Variants in PEX14 observed in about 807,000 individuals in gnomAD.
PEX14 encodes the protein peroxisomal biogenesis factor 14.
In PEX14, 15 loss-of-function variants were observed where a neutral mutation model predicts 49.5. The observed-to-expected ratio is 0.30, with a 90% CI of 0.20 to 0.47. The LOEUF (loss-of-function observed/expected upper bound fraction) is 0.47, where lower values mean the gene tolerates loss of function less well. PEX14 is among the 20% of genes least tolerant of loss of function. The pLI is 1.00. For missense variants in PEX14, 398 were observed against 494.8 expected, an observed-to-expected ratio of 0.80 and a Z score of 1.86; for synonymous variants, 210 against 212.7, an observed-to-expected ratio of 0.99 and a Z score of 0.11.
At chr1:10,516,411 A>G (rs1304710940) in intron 2 of PEX14, among the ~76,000 whole-genome samples, 1 of 152,208 alleles carries the variant, frequency 6.6e-6, no homozygotes, top group East Asian at 1.9e-4. Flanking sequence ...GGGACCCACT[A>G]GGTTTGCCGT....
At chr1:10,553,750 C>G (rs1190111954) in intron 3 of PEX14, among the ~76,000 whole-genome samples, 3 of 152,142 alleles carry the variant, frequency 2.0e-5, no homozygotes, top group South Asian at 2.1e-4. Flanking sequence ...CTCTTCACTC[C>G]TTTGTCATCT....
Position 10,495,016 on chromosome 1 carries a change from A to C in PEX14, c.37-258A>C, listed in dbSNP as rs1281164551. On this transcript the variant is annotated intron_variant, in intron 1 of 8. Transcript: ENST00000356607. The surrounding 1 kb of genome is among the most constrained non-coding windows in gnomAD (Gnocchi z 4.2). ...CAGTAGGTGATCGTGGGCCTTCCTG[A>C]GCAGAACCAAGCCTTGTTCTTGGAG... is the stretch of plus-strand genomic sequence containing the variant. 1 of 747,572 alleles carries C rather than the reference A, an allele frequency of 1.3e-6. No homozygotes were observed. The highest frequency in any genetic ancestry group is 1.9e-5 in the African/African-American group (1 of 52,520). 46.3% of individuals were successfully genotyped at this position (747,572 alleles called of 1,614,324 possible).
chr1:10,573,732 A>G lies in PEX14; in HGVS notation c.170-25506A>G, dbSNP rs189384231. Reference sequence around the variant, plus strand: ...TTTATGACCTAGCAATTCCATTATTAGACATAAACCCAAGAGAAATGGGTG... The same window carrying G: ...TTTATGACCTAGCAATTCCATTATTGGACATAAACCCAAGAGAAATGGGTG... On this transcript the variant is annotated intron_variant, in intron 3 of 8. Transcript: ENST00000356607. Among the ~76,000 whole-genome samples the G allele has an allele frequency of 4.6e-5, 7 of 152,336 alleles. No individual in the cohort carries two copies. In the East Asian group the frequency reaches 1.2e-3, roughly 25 times the overall value.
chr1:10,608,574 A>G (rs1319618501), intron 4 of PEX14, among the ~76,000 whole-genome samples: 1 of 151,754 alleles, frequency 6.6e-6, no homozygotes, highest in African/African-American at 2.4e-5. Context: ...AGGCAGGAGA[A>G]TGGCTTGAAC....
At chr1:10,537,618 T>G (rs1359709117) in intron 3 of PEX14, among the ~76,000 whole-genome samples, 1 of 152,084 alleles carries the variant, frequency 6.6e-6, no homozygotes, top group Non-Finnish European at 1.5e-5. Flanking sequence ...TTGTGCAATA[T>G]TATAACTGCC....
Position 10,495,898 on chromosome 1 carries a change from T to A in PEX14, c.84+577T>A, listed in dbSNP as rs1389426400. ...CAGGCTGCCCACCCCATTTTCATTC[T>A]TTTTTGCTTTTCAGGGCCTGCTGTA... On this transcript the variant is annotated intron_variant, in intron 2 of 8. Coordinates refer to ENST00000356607, the MANE Select transcript of PEX14 (RefSeq NM_004565.3). This position sits in a 1 kb window ranked among gnomAD's most constrained non-coding sequence, Gnocchi z 4.2. 6.6e-6 allele frequency among the ~76,000 whole-genome samples: 1 copy of A among 152,188 alleles called. No homozygotes were observed. Among genetic ancestry groups the A allele is most frequent in the Non-Finnish European group, 1.5e-5 (1 of 68,030 alleles).
At chr1:10,496,202 C>G (rs1212108548) in intron 2 of PEX14, among the ~76,000 whole-genome samples, 2 of 152,096 alleles carry the variant, frequency 1.3e-5, no homozygotes, top group Admixed American at 6.6e-5. Context: ...AGGCTGAGGG[C>G]GAGTTGGATC....
chr1:10,622,098 C>G (rs995384743), intron 5 of PEX14, among the ~76,000 whole-genome samples: 8 of 152,126 alleles, frequency 5.3e-5, no homozygotes, highest in South Asian at 2.1e-4. Context: ...GCAGCTGTCC[C>G]TGCAGGCCCC....
In PEX14 at chr1:10,627,365, TAGG is replaced by T. The variant is rs1425419817; in HGVS notation, c.677+6_677+8del. ...CTTGAAAGGGCTTCTTTTAAATCGGTAGGAGGGAGGAATGGGGACCCTGTTCTG... is the reference window on the plus strand; with the variant it reads ...CTTGAAAGGGCTTCTTTTAAATCGGTAGGGAGGAATGGGGACCCTGTTCTG... On this transcript the variant is annotated splice_donor_5th_base_variant and intron_variant, in intron 8 of 8. Transcript: ENST00000356607. The T allele has an allele frequency of 6.3e-7, 1 of 1,595,914 alleles. No individual in the cohort carries two copies. The highest frequency in any genetic ancestry group is 1.3e-5 in the African/African-American group (1 of 74,620).
intron 3 of PEX14, among the ~76,000 whole-genome samples, chr1:10,545,629 G>A (rs1029361476): frequency 6.6e-6 from 1 of 152,174 alleles, no homozygotes; most frequent in African/African-American, 2.4e-5. Context: ...TTGAATCCTA[G>A]CTTCACCACT....
intron 4 of PEX14, among the ~76,000 whole-genome samples, chr1:10,612,769 T>A (rs1278225165): frequency 2.0e-5 from 3 of 152,236 alleles, no homozygotes; most frequent in Non-Finnish European, 2.9e-5. Flanking sequence ...GTGGGCTGGC[T>A]TTATTCCAGG....
At chr1:10,580,642 A>G (rs748219294) in intron 3 of PEX14, among the ~76,000 whole-genome samples, 1 of 152,160 alleles carries the variant, frequency 6.6e-6, no homozygotes, top group Non-Finnish European at 1.5e-5. Context: ...AATATGTAAC[A>G]TGGTGTAATA....
chr1:10,546,778 A>G (rs1570245758), intron 3 of PEX14, among the ~76,000 whole-genome samples: 1 of 144,190 alleles, frequency 6.9e-6, no homozygotes, highest in East Asian at 2.2e-4. Flanking sequence ...CTGAGGCAGG[A>G]GAATGGCGTG....
chr1:10,595,659 G>C (rs750060901), intron 3 of PEX14, among the ~76,000 whole-genome samples: 1 of 152,222 alleles, frequency 6.6e-6, no homozygotes, highest in Non-Finnish European at 1.5e-5. Flanking sequence ...ATAGAGGAGG[G>C]AGGAGGCTTG....
In PEX14 at chr1:10,591,043, C is replaced by T. The variant is rs77890729; in HGVS notation, c.170-8195C>T. 3.4e-3 allele frequency among the ~76,000 whole-genome samples: 513 copies of T among 152,294 alleles called. 1 individual carries two copies. Among genetic ancestry groups the T allele is most frequent in the Non-Finnish European group, 4.7e-3 (318 of 68,016 alleles). Reference sequence around the variant, plus strand: ...AAAAAATCTCCACCTTGATTTGTGTCTTATAGTGGAGTTGTTTCCCAAATC... The same window carrying T: ...AAAAAATCTCCACCTTGATTTGTGTTTTATAGTGGAGTTGTTTCCCAAATC... On this transcript the variant is annotated intron_variant, in intron 3 of 8. Transcript: ENST00000356607.
intron 2 of PEX14, among the ~76,000 whole-genome samples, chr1:10,503,494 A>G (rs926464107): frequency 2.0e-5 from 3 of 151,612 alleles, no homozygotes; most frequent in African/African-American, 7.3e-5. Flanking sequence ...CAAAACTTTT[A>G]TTTGGGCAGA....
rs1258301712 is a variant in PEX14 at position 10,571,109 on chromosome 1, G to A, written c.170-28129G>A. 2.7e-5 allele frequency among the ~76,000 whole-genome samples: 4 copies of A among 147,226 alleles called. No homozygotes were observed. The Admixed American group carries it at 2.8e-4, about 10-fold the overall frequency. On this transcript the variant is annotated intron_variant, in intron 3 of 8. Transcript: ENST00000356607. The stretch of plus-strand genomic sequence containing the variant: ...TGGGCTCAGGCAGTCCTCCCACCTC[G>A]GCCTCCCAAAGTGTTAGGATTACAG...
intron 2 of PEX14, among the ~76,000 whole-genome samples, chr1:10,533,615 C>T (rs986052601): frequency 5.9e-5 from 9 of 152,158 alleles, no homozygotes; most frequent in Non-Finnish European, 1.2e-4. Flanking sequence ...CTCCATCATT[C>T]CCTCTCTGCA....
At chr1:10,488,394 C>T (rs1264600020) in intron 1 of PEX14, among the ~76,000 whole-genome samples, 3 of 152,004 alleles carry the variant, frequency 2.0e-5, no homozygotes, top group South Asian at 2.1e-4. Flanking sequence ...TGACCTCAGG[C>T]GATCCACCCG....
Sources: gnomAD v4.1 joint callset for allele counts (sites outside exome capture counted in the v4.1 genomes callset) on GRCh38, gnomAD v4.1.1 for gene constraint, Gnocchi (gnomAD v3.1) non-coding constraint, MANE v1.5 for transcripts, NCBI Gene and HGNC (gene_info 2026-07-23, HGNC 2026-07-21) for gene names.